Variants in SYT12 observed in about 807,000 individuals in gnomAD.
SYT12 encodes the protein synaptotagmin 12.
Under a neutral mutation model 39.5 loss-of-function variants are expected in SYT12, and 27 were observed. The observed-to-expected ratio is 0.68, with a 90% CI of 0.50 to 0.94. The LOEUF is 0.94. Among genes scored for constraint, SYT12 ranks in the 40% least tolerant of loss-of-function variants. The pLI, the probability that SYT12 is intolerant of heterozygous loss-of-function variation, is 0.00. For synonymous variants in SYT12, 233 were observed against 239.7 expected, an observed-to-expected ratio of 0.97 and a Z score of 0.26; for missense variants, 536 against 572.6, an observed-to-expected ratio of 0.94 and a Z score of 0.65.
chr11:67,041,498 TA>T (rs1438015092), intron 4 of SYT12, among the ~76,000 whole-genome samples: 1 of 152,122 alleles, frequency 6.6e-6, no homozygotes, highest in Admixed American at 6.6e-5. Flanking sequence ...AAATAAATTT[TA>T]AAAATGAAAA....
chr11:67,046,016 T>A, intron 7 of SYT12, 139 bp downstream of exon 7: 1 of 1,154,146 alleles, frequency 8.7e-7, no homozygotes, highest in South Asian at 1.5e-5. Flanking sequence ...AGTTATTGAG[T>A]GCCACTGGGG....
At position 67,023,403 on chromosome 11, in the gene SYT12, G is replaced by C. The variant is rs1216511170; in HGVS notation, c.-81G>C. ...CTAGGCGCAGGTGCGTGCGCGCTGC[G>C]GGAGGCGGGCCGGCAGCTGGAGCCC... is the stretch of plus-strand genomic sequence containing the variant. On this transcript the variant is annotated 5_prime_UTR_variant, in exon 1 of 8. Coordinates refer to ENST00000527043, the MANE Select transcript of SYT12 (RefSeq NM_177963.4). 3 of 150,134 alleles carry C rather than the reference G, an allele frequency of 2.0e-5. No homozygotes were observed. Among genetic ancestry groups the C allele is most frequent in the Admixed American group, 6.6e-5 (1 of 15,092 alleles). 9.3% of individuals were successfully genotyped at this position (150,134 alleles called of 1,614,324 possible).
rs1950482523 is a variant in SYT12 at position 67,040,172 on chromosome 11, T to C, written c.590T>C (p.Leu197Pro). 1 of 1,590,848 alleles carries C rather than the reference T, an allele frequency of 6.3e-7. No individual in the cohort carries two copies. The highest frequency in any genetic ancestry group is 2.2e-5 in the East Asian group (1 of 44,482). The change falls in exon 4 of 8, where the codon CTG becomes CCG. Residue 197 changes from leucine to proline, a missense_variant. Leu to Pro is a moderately conservative substitution (Grantham distance 98). Transcript: ENST00000527043. ...FESCFMRVSL[L>P]PDEQIVGISR... Reference sequence around the variant, plus strand: ...TCCTGCTTCATGCGCGTCAGCCTGCTGCCGGACGAGCAGATCGTGGGCATT... The same window carrying C: ...TCCTGCTTCATGCGCGTCAGCCTGCCGCCGGACGAGCAGATCGTGGGCATT...
At chr11:67,024,595 G>A (rs920332288) in intron 1 of SYT12, among the ~76,000 whole-genome samples, 6 of 152,312 alleles carry the variant, frequency 3.9e-5, no homozygotes, top group African/African-American at 1.4e-4. Flanking sequence ...AGCCCCCTCA[G>A]AGGGCTGCGG....
chr11:67,049,070 G>T lies in SYT12; in HGVS notation c.*313G>T. ...TTCTGGAACCCAGTGAATCTTGGGG[G>T]CCAGGCACTGTGCTAGGCACCAGCA... On this transcript the variant is annotated 3_prime_UTR_variant, in exon 8 of 8. Coordinates refer to ENST00000527043, the MANE Select transcript of SYT12 (RefSeq NM_177963.4). 3.5e-6 allele frequency: 1 copy of T among 286,670 alleles called. No individual in the cohort carries two copies. Among genetic ancestry groups the T allele is most frequent in the Non-Finnish European group, 6.7e-6 (1 of 149,028 alleles). The allele number at this position is 286,670 out of a possible 1,614,324, so 17.8% of individuals were successfully genotyped here.
chr11:67,047,914 A>G (rs1388255275), intron 7 of SYT12, among the ~76,000 whole-genome samples: 2 of 147,384 alleles, frequency 1.4e-5, no homozygotes, highest in East Asian at 2.1e-4. Flanking sequence ...CAGCCTCCCA[A>G]GTAGCTGGGA....
chr11:67,020,700 A>G (rs1370116678), upstream of SYT12, among the ~76,000 whole-genome samples: 2 of 152,126 alleles, frequency 1.3e-5, no homozygotes, highest in African/African-American at 4.8e-5. Flanking sequence ...CTCTGTGTCC[A>G]GCTTCTGTTG....
chr11:67,034,923 C>A (rs970678012), intron 3 of SYT12, 85 bp downstream of exon 3: 2 of 1,077,474 alleles, frequency 1.9e-6, no homozygotes, highest in South Asian at 2.1e-5. Flanking sequence ...GCCCCTCTCC[C>A]TCCGTCACCA....
rs748241458 is a variant in SYT12, at chr11:67,039,806, C to G, written c.229-5C>G. 6.2e-7 allele frequency: 1 copy of G among 1,607,282 alleles called. No individual in the cohort carries two copies. The highest frequency in any genetic ancestry group is 8.5e-7 in the Non-Finnish European group (1 of 1,178,668). ...TGCTCCCACGTCCCTCTTTCTCACC[C>G]CTAGAGAGTGCCTGCCTGGAATGCC... On this transcript the variant is annotated splice_region_variant and splice_polypyrimidine_tract_variant and intron_variant, in intron 3 of 7. Transcript: ENST00000527043.
chr11:67,015,073 ACTC>A (rs777601438), intron 3 of SYT12, among the ~76,000 whole-genome samples: 17 of 151,914 alleles, frequency 1.1e-4, no homozygotes, highest in Non-Finnish European at 1.8e-4. Flanking sequence ...CCTTAAATAA[ACTC>A]CTTCACCCAA....
Position 67,040,097 on chromosome 11 carries a change from C to G in SYT12, c.515C>G (p.Ala172Gly), listed in dbSNP as rs776011847. ...ACTGCCTCCCACACGCTGAACGTGG[C>G]GGTGATGCAGGGCAAGGACCTCCTG... is the stretch of plus-strand genomic sequence containing the variant. ...YDTASHTLNV[A>G]VMQGKDLLER... The change falls in exon 4 of 8, where the codon GCG becomes GGG. Residue 172 changes from alanine to glycine, a missense_variant. Coordinates refer to ENST00000527043, the MANE Select transcript of SYT12 (RefSeq NM_177963.4). 1 of 1,613,698 alleles carries G rather than the reference C, an allele frequency of 6.2e-7. No individual in the cohort carries two copies. The highest frequency in any genetic ancestry group is 1.1e-5 in the South Asian group (1 of 91,056).
chr11:67,021,099 C>T (rs554677196), upstream of SYT12, among the ~76,000 whole-genome samples: 9 of 152,294 alleles, frequency 5.9e-5, no homozygotes, highest in Middle Eastern at 3.4e-3. Context: ...TGTGTCACTA[C>T]ACCACAATGC....
Position 67,049,879 on chromosome 11 carries a change from C to T in SYT12, c.*1122C>T, listed in dbSNP as rs1590662534. ...GCCAGGCTAGGAAGGAGGCGGCTCT[C>T]GATCACGGGGTGGGTGCCCCCGACA... On this transcript the variant is annotated 3_prime_UTR_variant, in exon 8 of 8. Transcript: ENST00000527043. 6.6e-6 allele frequency: 1 copy of T among 152,178 alleles called. No individual in the cohort carries two copies. The highest frequency in any genetic ancestry group is 6.5e-5 in the Admixed American group (1 of 15,272). 9.4% of individuals were successfully genotyped at this position (152,178 alleles called of 1,614,324 possible).
rs150287381 is a variant in SYT12, at chr11:67,048,705, T to C, written c.1214T>C (p.Leu405Ser). ...GMGTTHWNQMLATLRRPVSMW... is the reference protein window; with the variant it reads ...GMGTTHWNQMSATLRRPVSMW... ...GGAACCACACATTGGAACCAGATGT[T>C]GGCCACGCTGCGCAGGCCCGTGTCC... Residue 405 changes from leucine to serine, a missense_variant, in exon 8 of 8, where the codon TTG (leucine) becomes TCG (serine). Physicochemically the swap from Leu to Ser is moderately radical, Grantham distance 145. Coordinates refer to ENST00000527043, the MANE Select transcript of SYT12 (RefSeq NM_177963.4). The C allele has an allele frequency of 2.8e-5, 45 of 1,611,400 alleles. No individual in the cohort carries two copies. In the African/African-American group the frequency reaches 5.9e-4, roughly 21 times the overall value.
In SYT12 at chr11:67,043,711, A is replaced by G; in HGVS notation, c.695A>G (p.Glu232Gly). 1 of 1,614,106 alleles carries G rather than the reference A, an allele frequency of 6.2e-7. No homozygotes were observed. The highest frequency in any genetic ancestry group is 8.5e-7 in the Non-Finnish European group (1 of 1,180,032). Reference protein sequence around the residue: ...SIPLDPTALEEKSLRFSVFGI... With the variant: ...SIPLDPTALEGKSLRFSVFGI... The stretch of plus-strand genomic sequence containing the variant: ...CCCCTGGATCCCACAGCCCTGGAGG[A>G]GAAGAGCCTGCGGTTTTCTGTATTT... Residue 232 changes from glutamate to glycine, a missense_variant, in exon 5 of 8, where the codon GAG becomes GGG. Glu to Gly is a moderately conservative substitution (Grantham distance 98). Transcript: ENST00000527043.
At chr11:67,014,736 G>A (rs370164820) in intron 3 of SYT12, among the ~76,000 whole-genome samples, 1 of 152,082 alleles carries the variant, frequency 6.6e-6, no homozygotes, top group East Asian at 1.9e-4. Context: ...CATGGCATGG[G>A]GGTCTGAGAA....
At chr11:67,023,968 C>T (rs1335255880) in intron 1 of SYT12, among the ~76,000 whole-genome samples, 1 of 152,112 alleles carries the variant, frequency 6.6e-6, no homozygotes, top group Non-Finnish European at 1.5e-5. Context: ...CCTCAGCCGC[C>T]GGTGGCACCA....
In SYT12 at chr11:67,049,042, A is replaced by G. The variant is rs977388610; in HGVS notation, c.*285A>G. 2 of 339,228 alleles carry G rather than the reference A, an allele frequency of 5.9e-6. No individual in the cohort carries two copies. Among genetic ancestry groups the G allele is most frequent in the African/African-American group, 2.0e-5 (1 of 49,112 alleles). The allele number at this position is 339,228 out of a possible 1,614,324, so 21.0% of individuals were successfully genotyped here. On this transcript the variant is annotated 3_prime_UTR_variant, in exon 8 of 8. Transcript: ENST00000527043. ...GGTAGGCCAGCTGCCGAGCTGGGCT[A>G]TGTTCTGGAACCCAGTGAATCTTGG...
At chr11:67,045,355 G>A (rs955638254) in intron 6 of SYT12, among the ~76,000 whole-genome samples, 12 of 152,158 alleles carry the variant, frequency 7.9e-5, no homozygotes, top group African/African-American at 2.7e-4. Context: ...ATGGGCAGAC[G>A]GCAAGTTGTT....
Sources: allele counts gnomAD v4.1 joint callset (sites outside exome capture counted in the v4.1 genomes callset), GRCh38; gene constraint gnomAD v4.1.1; transcripts MANE v1.5; gene names NCBI Gene and HGNC (gene_info 2026-07-23, HGNC 2026-07-21).